ZRANB3: variants seen among roughly 807,000 people sequenced by gnomAD.
ZRANB3 encodes zinc finger RANBP2-type containing 3, also known as DNA annealing helicase and endonuclease ZRANB3.
Under a neutral mutation model 133.8 loss-of-function variants are expected in ZRANB3, and 125 were observed. The ratio of observed to expected loss-of-function variants is 0.93; its 90% CI spans 0.81 to 1.08. The LOEUF (loss-of-function observed/expected upper bound fraction) is 1.08. Ranked by LOEUF, ZRANB3 falls within the 50% of genes least tolerant of loss-of-function variation. The pLI is 0.00. For synonymous variants in ZRANB3, 387 were observed against 432.7 expected, an observed-to-expected ratio of 0.89 and a Z score of 1.31; for missense variants, 1,229 against 1,275.5, an observed-to-expected ratio of 0.96 and a Z score of 0.56.
At chr2:135,396,824 T>G (rs1341317832) in intron 2 of ZRANB3, among the ~76,000 whole-genome samples, 18 of 152,166 alleles carry the variant, frequency 1.2e-4, no homozygotes, top group Admixed American at 1.2e-3. Context: ...AATTGGATTG[T>G]TTGTAACATA....
chr2:135,480,189 G>A (rs147585976), intron 2 of ZRANB3, among the ~76,000 whole-genome samples: 35 of 151,534 alleles, frequency 2.3e-4, no homozygotes, highest in African/African-American at 7.0e-4. Flanking sequence ...TGACCTGCCC[G>A]CCTCAGCCTC....
At chr2:135,503,212 C>G (rs1322293970) in intron 2 of ZRANB3, among the ~76,000 whole-genome samples, 5 of 152,132 alleles carry the variant, frequency 3.3e-5, no homozygotes, top group African/African-American at 4.8e-5. Flanking sequence ...TCTGGTTAAT[C>G]ATACATATAT....
chr2:135,486,513 CT>C lies in ZRANB3; in HGVS notation c.161+17815del, dbSNP rs538563741. 4.0e-3 allele frequency among the ~76,000 whole-genome samples: 575 copies of C among 142,320 alleles called. 1 individual carries two copies. The highest frequency in any genetic ancestry group is 7.1e-3 in the Middle Eastern group (2 of 282). The allele number at this position is 142,320 out of a possible 152,430, so 93.4% of individuals were successfully genotyped here. Reference sequence around the variant, plus strand: ...CTGCAGTTACTTTCTCCACTGAAGTCTTTTTTTTTTTTTTCAATATAAGAGG... The same window carrying C: ...CTGCAGTTACTTTCTCCACTGAAGTCTTTTTTTTTTTTTCAATATAAGAGG... On this transcript the variant is annotated intron_variant, in intron 2 of 20. Transcript: ENST00000264159.
chr2:135,504,425 G>T lies in ZRANB3; in HGVS notation c.65C>A (p.Ser22Tyr). ...TPHISCVTNE[S>Y]DNLLDFLPDR... The stretch of plus-strand genomic sequence containing the variant: ...AGGCAAAAAATCCAGCAGATTATCA[G>T]ATTCATTTGTCACACAAGAAATGTG... The change falls in exon 2 of 21, where the codon TCT (serine) becomes TAT (tyrosine). Residue 22 changes from serine to tyrosine, a missense_variant. Transcript: ENST00000264159. 6.2e-7 allele frequency: 1 copy of T among 1,613,588 alleles called. No individual in the cohort carries two copies. Among genetic ancestry groups the T allele is most frequent in the South Asian group, 1.1e-5 (1 of 91,064 alleles).
chr2:135,443,214 G>A (rs1217232716), intron 2 of ZRANB3, among the ~76,000 whole-genome samples: 2 of 152,028 alleles, frequency 1.3e-5, no homozygotes, highest in Admixed American at 6.6e-5. Context: ...ACGAGTTCAT[G>A]TCCTTTACAG....
chr2:135,332,930 A>G (rs936834709), intron 6 of ZRANB3, among the ~76,000 whole-genome samples: 53 of 152,280 alleles, frequency 3.5e-4, no homozygotes, highest in African/African-American at 1.3e-3. Context: ...CAGTCCATGC[A>G]TCATAAGCTG....
intron 2 of ZRANB3, among the ~76,000 whole-genome samples, chr2:135,414,685 A>G (rs1688472420): frequency 6.6e-6 from 1 of 152,184 alleles, no homozygotes; most frequent in African/African-American, 2.4e-5. Flanking sequence ...CTATTCCAAA[A>G]TTGACCACAT....
At chr2:135,477,302 C>G (rs533327340) in intron 2 of ZRANB3, among the ~76,000 whole-genome samples, 1 of 152,338 alleles carries the variant, frequency 6.6e-6, no homozygotes, top group African/African-American at 2.4e-5. Flanking sequence ...ATAGTCTATA[C>G]TAATTCTCTG....
At chr2:135,285,310 T>G (rs1330300419) in intron 8 of ZRANB3, among the ~76,000 whole-genome samples, 1 of 152,224 alleles carries the variant, frequency 6.6e-6, no homozygotes, top group Non-Finnish European at 1.5e-5. Context: ...TACTCTTTCA[T>G]CCTCTAAAAT....
intron 12 of ZRANB3, among the ~76,000 whole-genome samples, chr2:135,235,274 C>A (rs1695235150): frequency 6.6e-6 from 1 of 152,140 alleles, no homozygotes; most frequent in Non-Finnish European, 1.5e-5. Context: ...ATAACAGGCT[C>A]TGAAATTGAG....
chr2:135,372,611 C>A (rs1438696828), intron 3 of ZRANB3, among the ~76,000 whole-genome samples: 2 of 151,854 alleles, frequency 1.3e-5, no homozygotes, highest in Non-Finnish European at 2.9e-5. Context: ...CATGGTGAAA[C>A]CCGTCTCTAC....
chr2:135,510,567 T>C, intron 1 of ZRANB3: 1 of 700,122 alleles, frequency 1.4e-6, no homozygotes, highest in South Asian at 1.6e-5. Flanking sequence ...GAGCAAGCCT[T>C]CTTCCCACTC....
Position 135,315,456 on chromosome 2 carries a change from T to C in ZRANB3, c.752A>G (p.Asp251Gly), listed in dbSNP as rs766564491. The change falls in exon 7 of 21, where the codon GAC becomes GGC. Residue 251 changes from aspartate (D) to glycine (G), a missense_variant. By Grantham distance (94) the Asp-to-Gly change is moderately conservative. Transcript: ENST00000264159. ...AGTCTTTAATCTTCTAATCATTATG[T>C]CACTTAATAGCTGGTGAAGTTCATT... The part of the protein sequence containing the change: ...NLNELHQLLS[D>G]IMIRRLKTEV... 1 of 1,600,844 alleles carries C rather than the reference T, an allele frequency of 6.2e-7. No individual in the cohort carries two copies. Among genetic ancestry groups the C allele is most frequent in the Admixed American group, 1.7e-5 (1 of 57,854 alleles).
In ZRANB3 at chr2:135,287,670, C is replaced by CTTTTTTT. The variant is rs59739293; in HGVS notation, c.967-11922_967-11916dup. ...GTCCTTGGTTAGGTATATTTCTTTC[C>CTTTTTTT]TTTTTTTTTTTTTTTTTTGCAGCTA... On this transcript the variant is annotated intron_variant, in intron 8 of 20. Coordinates refer to ENST00000264159, the MANE Select transcript of ZRANB3 (RefSeq NM_032143.4). Among the ~76,000 whole-genome samples, 484 of 97,994 alleles carry CTTTTTTT rather than the reference C, an allele frequency of 4.9e-3. 5 individuals are homozygous for CTTTTTTT. The highest frequency in any genetic ancestry group is 0.027 in the South Asian group (72 of 2,666). 64.3% of individuals were successfully genotyped at this position (97,994 alleles called of 152,430 possible). A position where few individuals can be genotyped will look rare whatever the true frequency, so the allele number is the denominator to read the frequency against.
chr2:135,451,883 A>C (rs1038419834), intron 2 of ZRANB3, among the ~76,000 whole-genome samples: 50 of 152,370 alleles, frequency 3.3e-4, no homozygotes, highest in African/African-American at 1.1e-3. Flanking sequence ...TCTGAAAAAG[A>C]TAAAAATACA....
intron 12 of ZRANB3, among the ~76,000 whole-genome samples, chr2:135,259,957 G>T (rs1039581891): frequency 3.3e-5 from 5 of 152,068 alleles, no homozygotes; most frequent in Non-Finnish European, 7.4e-5. Flanking sequence ...AAAAGAAAAG[G>T]CCCTAAAGAG....
intron 12 of ZRANB3, among the ~76,000 whole-genome samples, chr2:135,233,854 G>C (rs1354769089): frequency 6.6e-6 from 1 of 152,184 alleles, no homozygotes; most frequent in Non-Finnish European, 1.5e-5. Flanking sequence ...AAATTGTAAA[G>C]ACCATCGAGG....
intron 3 of ZRANB3, among the ~76,000 whole-genome samples, chr2:135,368,331 C>A (rs1686026546): frequency 6.6e-6 from 1 of 151,458 alleles, no homozygotes; most frequent in African/African-American, 2.4e-5. Context: ...CTAATAACTA[C>A]AACAATAAAC....
chr2:135,366,949 A>G (rs1477197698), intron 3 of ZRANB3, among the ~76,000 whole-genome samples: 1 of 152,070 alleles, frequency 6.6e-6, no homozygotes, highest in African/African-American at 2.4e-5. Context: ...TCAACCCGGG[A>G]GGCAGAGCTT....
Sources: allele counts gnomAD v4.1 joint callset (sites outside exome capture counted in the v4.1 genomes callset), GRCh38; gene constraint gnomAD v4.1.1; transcripts MANE v1.5; gene names NCBI Gene and HGNC (gene_info 2026-07-23, HGNC 2026-07-21).